The following ADAMTSL1 variants were observed in gnomAD, a reference collection of about 807,000 sequenced individuals.
ADAMTSL1 encodes the protein ADAMTS-like protein 1.
Under a neutral mutation model 201.8 loss-of-function variants are expected in ADAMTSL1, and 126 were observed. The ratio of observed to expected loss-of-function variants is 0.62; its 90% CI spans 0.54 to 0.72. ADAMTSL1 has a LOEUF of 0.72. ADAMTSL1 is among the 30% of genes least tolerant of loss of function. The pLI, the probability that ADAMTSL1 is intolerant of heterozygous loss-of-function variation, is 0.00. For synonymous variants in ADAMTSL1, 1,121 were observed against 903.4 expected (o/e 1.24, Z -4.32); for missense variants, 2,679 against 2,277.8 (o/e 1.18, Z -3.59).
intron 2 of ADAMTSL1, among the ~76,000 whole-genome samples, chr9:18,430,515 G>A (rs549539026): frequency 3.9e-5 from 6 of 152,172 alleles, no homozygotes; most frequent in African/African-American, 7.2e-5. Context: ...ATATTCTAGC[G>A]GTGTGTAGAA....
At chr9:18,180,528 G>T (rs1459039707) in intron 2 of ADAMTSL1, among the ~76,000 whole-genome samples, 6 of 80,690 alleles carry the variant, frequency 7.4e-5, no homozygotes, top group Non-Finnish European at 1.5e-4. Context: ...GCGAGACTCC[G>T]TGTCAAAAAA....
Position 17,947,869 on chromosome 9 carries a change from A to G in ADAMTSL1, c.87+40947A>G, listed in dbSNP as rs376005159. On this transcript the variant is annotated intron_variant, in intron 1 of 29. Transcript: ENST00000680146. ...TACCTGAACGAAAAGTCATGCGTCA[A>G]AGAGTGATGGATAAACACACCTTCT... Among the ~76,000 whole-genome samples, 11 of 152,292 alleles carry G rather than the reference A, an allele frequency of 7.2e-5. No homozygotes were observed. In the East Asian group the frequency reaches 1.5e-3, roughly 21 times the overall value.
rs376856327 is a variant in ADAMTSL1 at position 18,015,898 on chromosome 9, C to A, written c.87+108976C>A. On this transcript the variant is annotated intron_variant, in intron 1 of 29. Coordinates refer to the ADAMTSL1 transcript ENST00000680146. Reference sequence around the variant, plus strand: ...GCAGTCAAGACTGATAACTTCTCATCTGAGTATTGCCATACCCTTTCTCCA... The same window carrying A: ...GCAGTCAAGACTGATAACTTCTCATATGAGTATTGCCATACCCTTTCTCCA... Among the ~76,000 whole-genome samples, 54 of 152,174 alleles carry A rather than the reference C, an allele frequency of 3.5e-4. 1 individual carries two copies. Among genetic ancestry groups the A allele is most frequent in the African/African-American group, 1.3e-3 (52 of 41,558 alleles).
intron 1 of ADAMTSL1, among the ~76,000 whole-genome samples, chr9:18,077,462 G>C (rs1184927198): frequency 6.6e-6 from 1 of 152,090 alleles, no homozygotes; most frequent in Non-Finnish European, 1.5e-5. Context: ...GTCAAGAAGG[G>C]AAAGTGTTTT....
At chr9:18,095,793 G>T (rs1824226655) in intron 1 of ADAMTSL1, among the ~76,000 whole-genome samples, 1 of 152,102 alleles carries the variant, frequency 6.6e-6, no homozygotes, top group South Asian at 2.1e-4. Context: ...TCTTGCTCCA[G>T]TCCTGGAATC....
Position 18,804,204 on chromosome 9 carries a change from G to A in ADAMTSL1, c.3805+8680G>A, listed in dbSNP as rs1033425176. Among the ~76,000 whole-genome samples the A allele has an allele frequency of 5.9e-5, 9 of 152,118 alleles. No homozygotes were observed. In the South Asian group the frequency reaches 8.3e-4, roughly 14 times the overall value. On this transcript the variant is annotated intron_variant, in intron 20 of 28. Coordinates refer to ENST00000380548, the MANE Select transcript of ADAMTSL1 (RefSeq NM_001040272.6). Reference sequence around the variant, plus strand: ...AACTCCCTTTACCTGAAATTCTGACGTTGAAAATTGACTCTGTTGTATTTT... The same window carrying A: ...AACTCCCTTTACCTGAAATTCTGACATTGAAAATTGACTCTGTTGTATTTT...
At chr9:18,300,230 G>C (rs1833651141) in intron 2 of ADAMTSL1, among the ~76,000 whole-genome samples, 1 of 152,172 alleles carries the variant, frequency 6.6e-6, no homozygotes, top group African/African-American at 2.4e-5. Context: ...ATCAATGATA[G>C]ACTGGATTAA....
chr9:18,444,494 A>G (rs775121702), intron 2 of ADAMTSL1, among the ~76,000 whole-genome samples: 15 of 152,192 alleles, frequency 9.9e-5, no homozygotes, highest in Non-Finnish European at 2.2e-4. Flanking sequence ...TATTACGTAT[A>G]TGTAACATTT....
At chr9:18,234,529 C>G (rs1356244970) in intron 2 of ADAMTSL1, among the ~76,000 whole-genome samples, 8 of 152,128 alleles carry the variant, frequency 5.3e-5, no homozygotes, top group African/African-American at 1.7e-4. Flanking sequence ...GTTGACATGA[C>G]TTGTACTATT....
chr9:18,770,804 A>T, intron 17 of ADAMTSL1, 23 bp downstream of exon 17: 1 of 1,606,080 alleles, frequency 6.2e-7, no homozygotes, highest in Non-Finnish European at 8.5e-7. Context: ...CTCCGAAGAG[A>T]ATGAAAGAGA....
chr9:18,285,305 T>C (rs773463306), intron 2 of ADAMTSL1, among the ~76,000 whole-genome samples: 38 of 152,170 alleles, frequency 2.5e-4, no homozygotes, highest in Non-Finnish European at 4.6e-4. Flanking sequence ...GAATACTTTA[T>C]ATGTTATCTA....
At chr9:18,190,294 T>C (rs1828918473) in intron 2 of ADAMTSL1, among the ~76,000 whole-genome samples, 1 of 152,198 alleles carries the variant, frequency 6.6e-6, no homozygotes, top group Non-Finnish European at 1.5e-5. Context: ...GAATGTTATA[T>C]GAATGAGTTA....
intron 5 of ADAMTSL1, among the ~76,000 whole-genome samples, chr9:18,633,699 T>A (rs541075367): frequency 1.4e-3 from 216 of 151,978 alleles, no homozygotes; most frequent in South Asian, 0.011. Context: ...TCTGTTGTTG[T>A]TCTTATATAC....
chr9:17,924,928 T>C (rs1406606166), intron 1 of ADAMTSL1, among the ~76,000 whole-genome samples: 2 of 121,560 alleles, frequency 1.6e-5, no homozygotes, highest in African/African-American at 5.9e-5. Flanking sequence ...ACCTACAAAA[T>C]GGGAGAAAAT....
Position 17,948,626 on chromosome 9 carries a change from G to C in ADAMTSL1, c.87+41704G>C, listed in dbSNP as rs73416850. 9.7e-3 allele frequency among the ~76,000 whole-genome samples: 1,484 copies of C among 152,240 alleles called. 28 individuals are homozygous for C. The highest frequency in any genetic ancestry group is 0.033 in the African/African-American group (1,381 of 41,556). Reference sequence around the variant, plus strand: ...TTTCTAGATTTAACCACGTGTTACAGTGATATCTTTGTTACAGCCCGAGTG... The same window carrying C: ...TTTCTAGATTTAACCACGTGTTACACTGATATCTTTGTTACAGCCCGAGTG... On this transcript the variant is annotated intron_variant, in intron 1 of 29. Coordinates refer to the ADAMTSL1 transcript ENST00000680146.
upstream of ADAMTSL1, among the ~76,000 whole-genome samples, chr9:18,469,808 C>T (rs1008162464): frequency 1.3e-5 from 2 of 152,174 alleles, no homozygotes; most frequent in African/African-American, 2.4e-5. Context: ...TTCCTCCTTC[C>T]GAATTTTTGT....
At chr9:18,078,470 G>A (rs1053181497) in intron 1 of ADAMTSL1, among the ~76,000 whole-genome samples, 1 of 152,130 alleles carries the variant, frequency 6.6e-6, no homozygotes, top group Non-Finnish European at 1.5e-5. Flanking sequence ...TCTGTTCTTA[G>A]TCAGAGTTTC....
chr9:18,632,822 T>A (rs1339625088), intron 5 of ADAMTSL1, among the ~76,000 whole-genome samples: 1 of 152,214 alleles, frequency 6.6e-6, no homozygotes, highest in Non-Finnish European at 1.5e-5. Flanking sequence ...CTAGAGTTTG[T>A]ACCAGCCTGA....
chr9:17,968,245 A>G (rs1818055720), intron 1 of ADAMTSL1, among the ~76,000 whole-genome samples: 1 of 152,102 alleles, frequency 6.6e-6, no homozygotes, highest in African/African-American at 2.4e-5. Flanking sequence ...ACCTCCAGGA[A>G]GGCATTGTGC....
Sources: allele counts gnomAD v4.1 joint callset (sites outside exome capture counted in the v4.1 genomes callset), GRCh38; gene constraint gnomAD v4.1.1; transcripts MANE v1.5; gene names NCBI Gene and HGNC (gene_info 2026-07-23, HGNC 2026-07-21).